Variants in EPHA4 observed in about 807,000 individuals in gnomAD.
EPHA4 encodes the protein EPH receptor A4.
Under a neutral mutation model 108.3 loss-of-function variants are expected in EPHA4, and 19 were observed. The observed-to-expected ratio is 0.18, with a 90% confidence interval of 0.12 to 0.26. EPHA4 has a LOEUF of 0.26. Ranked by LOEUF, EPHA4 falls within the 10% of genes least tolerant of loss-of-function variation. EPHA4 has a pLI of 1.00. For missense variants in EPHA4, 917 were observed against 1,254.0 expected (o/e 0.73, Z 4.06); for synonymous variants, 449 against 455.5 (o/e 0.99, Z 0.18).
chr2:221,437,956 C>G (rs1468300053), intron 11 of EPHA4, among the ~76,000 whole-genome samples: 2 of 151,870 alleles, frequency 1.3e-5, no homozygotes, highest in African/African-American at 2.4e-5. Context: ...AAGCATGCGA[C>G]TTCTCTCCAC....
At chr2:221,433,368 T>A (rs184171580) in intron 14 of EPHA4, among the ~76,000 whole-genome samples, 1 of 152,208 alleles carries the variant, frequency 6.6e-6, no homozygotes, top group Non-Finnish European at 1.5e-5. Flanking sequence ...CATAAAAAAT[T>A]AGGAAAGTTC....
rs1689871642 is a variant in EPHA4 at position 221,425,476 on chromosome 2, TGA to T, written c.*550_*551del. 6.5e-6 allele frequency: 1 copy of T among 152,788 alleles called. No individual in the cohort carries two copies. The highest frequency in any genetic ancestry group is 1.5e-5 in the Non-Finnish European group (1 of 68,358). The allele number at this position is 152,788 out of a possible 1,614,324, so 9.5% of individuals were successfully genotyped here. On this transcript the variant is annotated 3_prime_UTR_variant, in exon 17 of 18. Transcript: ENST00000281821. The stretch of plus-strand genomic sequence containing the variant: ...TGTCATAGGAATCCACCAGGCGGCT[TGA>T]GCACTGAAGAGGCAACACTAATGAG...
intron 3 of EPHA4, among the ~76,000 whole-genome samples, chr2:221,555,884 C>T (rs1574656948): frequency 6.6e-6 from 1 of 152,270 alleles, no homozygotes; most frequent in South Asian, 2.1e-4. Context: ...AATAAAATGT[C>T]ATTCTTCTAA....
intron 3 of EPHA4, among the ~76,000 whole-genome samples, chr2:221,511,875 G>A (rs550494011): frequency 6.6e-6 from 1 of 152,218 alleles, no homozygotes; most frequent in Admixed American, 6.5e-5. Context: ...TTCCATTAGA[G>A]CACTGAAAAT....
intron 2 of EPHA4, among the ~76,000 whole-genome samples, chr2:221,566,872 A>AAGAAGAAGAAGG (rs1553595907): frequency 0.023 from 942 of 41,314 alleles, 60 homozygotes; most frequent in East Asian, 0.049. Flanking sequence ...GAAGAAGAAG[A>AAGAAGAAGAAGG]AGAAGGAGAA....
chr2:221,469,224 C>T (rs1028062139), intron 5 of EPHA4, among the ~76,000 whole-genome samples: 3 of 152,118 alleles, frequency 2.0e-5, no homozygotes, highest in Non-Finnish European at 4.4e-5. Context: ...CATCAATTTC[C>T]ATTTCACAAG....
chr2:221,451,867 T>C (rs193292908), intron 8 of EPHA4, among the ~76,000 whole-genome samples: 4 of 152,366 alleles, frequency 2.6e-5, no homozygotes, highest in Admixed American at 2.6e-4. Context: ...AATGCTTACA[T>C]GTTCCATTTG....
intron 5 of EPHA4, among the ~76,000 whole-genome samples, chr2:221,477,008 G>T (rs1220171420): frequency 6.6e-6 from 1 of 151,894 alleles, no homozygotes; most frequent in Non-Finnish European, 1.5e-5. Flanking sequence ...ACTACATGTG[G>T]CACAGTGGCA....
rs574575643 is a variant in EPHA4, at chr2:221,483,535, T to TGTGTGA, written c.980-846_980-845insTCACAC. On this transcript the variant is annotated intron_variant, in intron 4 of 17. Transcript: ENST00000281821. ...GTGTGTGTGTGTGTGTGTGTGTGTG[T>TGTGTGA]GATGGAGTCTCGCTCTGTCACCCAG... 7.3e-3 allele frequency among the ~76,000 whole-genome samples: 1,103 copies of TGTGTGA among 150,260 alleles called. 16 individuals carry two copies. The highest frequency in any genetic ancestry group is 0.045 in the Admixed American group (668 of 14,906).
At chr2:221,546,958 G>A (rs1001938328) in intron 3 of EPHA4, among the ~76,000 whole-genome samples, 6 of 152,130 alleles carry the variant, frequency 3.9e-5, no homozygotes, top group African/African-American at 7.2e-5. Flanking sequence ...ATAAAAGGGG[G>A]GGGACAAATT....
intron 3 of EPHA4, among the ~76,000 whole-genome samples, chr2:221,523,599 A>AGCACCTG (rs1553585725): frequency 4.4e-5 from 6 of 134,920 alleles, no homozygotes; most frequent in South Asian, 2.6e-4. Context: ...AATATTTTTT[A>AGCACCTG]GTAACTTTTT....
intron 14 of EPHA4, among the ~76,000 whole-genome samples, chr2:221,430,653 A>G (rs1277906724): frequency 1.3e-5 from 2 of 152,170 alleles, no homozygotes; most frequent in Non-Finnish European, 2.9e-5. Context: ...CCAGTGTGTC[A>G]ACACCAGAGT....
At chr2:221,468,654 A>C (rs1304768662) in intron 5 of EPHA4, among the ~76,000 whole-genome samples, 2 of 152,208 alleles carry the variant, frequency 1.3e-5, no homozygotes, top group Admixed American at 6.5e-5. Flanking sequence ...GCACCCAGTA[A>C]ATCTTTGCTG....
intron 3 of EPHA4, among the ~76,000 whole-genome samples, chr2:221,534,413 C>T (rs1344768953): frequency 1.3e-5 from 2 of 152,164 alleles, no homozygotes; most frequent in Non-Finnish European, 2.9e-5. Flanking sequence ...AATGCGTTCT[C>T]ATTACCTGCA....
chr2:221,457,662 T>C (rs1429503676), intron 6 of EPHA4, among the ~76,000 whole-genome samples: 2 of 152,132 alleles, frequency 1.3e-5, no homozygotes, highest in Non-Finnish European at 2.9e-5. Context: ...TGCATTTGAT[T>C]TGAGGATTCA....
intron 3 of EPHA4, among the ~76,000 whole-genome samples, chr2:221,503,992 C>T (rs1692555310): frequency 6.6e-6 from 1 of 152,234 alleles, no homozygotes; most frequent in Non-Finnish European, 1.5e-5. Flanking sequence ...TCACTACTTA[C>T]TAGCATCTGA....
chr2:221,549,803 A>G (rs944696483), intron 3 of EPHA4, among the ~76,000 whole-genome samples: 10 of 152,314 alleles, frequency 6.6e-5, no homozygotes, highest in Non-Finnish European at 1.3e-4. Context: ...CCTGGTCAAC[A>G]TGGTGAAACC....
At chr2:221,507,090 A>G (rs1692653436) in intron 3 of EPHA4, among the ~76,000 whole-genome samples, 1 of 152,196 alleles carries the variant, frequency 6.6e-6, no homozygotes, top group African/African-American at 2.4e-5. Context: ...CCCATGGGTC[A>G]TACTTTGCCA....
At chr2:221,497,521 ATGAGG>A (rs1692334551) in intron 4 of EPHA4, among the ~76,000 whole-genome samples, 1 of 152,150 alleles carries the variant, frequency 6.6e-6, no homozygotes, top group Admixed American at 6.5e-5. Flanking sequence ...CATGGATCAC[ATGAGG>A]TGACGAGTTC....
Sources: allele counts gnomAD v4.1 joint callset (sites outside exome capture counted in the v4.1 genomes callset), GRCh38; gene constraint gnomAD v4.1.1; transcripts MANE v1.5; gene names NCBI Gene and HGNC (gene_info 2026-07-23, HGNC 2026-07-21).